LDB1: variants seen among roughly 807,000 people sequenced by gnomAD.
LDB1 encodes the protein LIM domain binding 1, also known as LIM domain-binding protein 1.
A neutral mutation model predicts 49.7 loss-of-function variants in LDB1; 6 were observed. The observed-to-expected ratio is 0.12, with a 90% CI of 0.07 to 0.24. LDB1 has a LOEUF of 0.24. Among genes scored for constraint, LDB1 ranks in the 10% least tolerant of loss-of-function variants. LDB1 has a pLI of 1.00. For missense variants in LDB1, 341 were observed against 561.7 expected, an observed-to-expected ratio of 0.61 and a Z score of 3.97; for synonymous variants, 233 against 202.0, an observed-to-expected ratio of 1.15 and a Z score of -1.30.
chr10:102,103,960 T>C (rs1210358729), downstream of LDB1, among the ~76,000 whole-genome samples: 1 of 151,536 alleles, frequency 6.6e-6, no homozygotes, highest in Non-Finnish European at 1.5e-5. Flanking sequence ...TCCCAGCTAC[T>C]TGGGACGCAT....
At chr10:102,105,374 A>G (rs140319861), downstream of LDB1, among the ~76,000 whole-genome samples, 95 of 152,270 alleles carry the variant, frequency 6.2e-4, no homozygotes, top group African/African-American at 2.2e-3. Flanking sequence ...GACAGGTCAT[A>G]CAGTCCCTTC....
At chr10:102,102,335 A>G (rs1290793905), downstream of LDB1, among the ~76,000 whole-genome samples, 1 of 152,244 alleles carries the variant, frequency 6.6e-6, no homozygotes, top group African/African-American at 2.4e-5. Flanking sequence ...AATCCGTTAA[A>G]GGAAAGGGAG....
At chr10:102,114,696 A>G (rs2133522752) in intron 1 of LDB1, 1 of 802,068 alleles carries the variant, frequency 1.2e-6, no homozygotes, top group Non-Finnish European at 1.5e-6. Flanking sequence ...GGGAGTCCGG[A>G]GCCTTCTTTG....
chr10:102,103,761 C>T (rs1172406647), downstream of LDB1, among the ~76,000 whole-genome samples: 5 of 151,868 alleles, frequency 3.3e-5, no homozygotes, highest in African/African-American at 1.2e-4. Flanking sequence ...TTGCAGTGAG[C>T]CGAGATCATG....
chr10:102,119,239 C>G (rs1388017159), intron 1 of LDB1, among the ~76,000 whole-genome samples: 1 of 152,114 alleles, frequency 6.6e-6, no homozygotes, highest in Non-Finnish European at 1.5e-5. Context: ...CCTCTGTAGA[C>G]TACCTCTCCA....
chr10:102,119,969 C>A, intron 1 of LDB1, 117 bp downstream of exon 1: 1 of 751,858 alleles, frequency 1.3e-6, no homozygotes, highest in Non-Finnish European at 2.0e-6. Flanking sequence ...CCCTTCCAGC[C>A]CCCGGCTTCC....
chr10:102,103,691 G>A (rs1368529782), downstream of LDB1, among the ~76,000 whole-genome samples: 1 of 152,014 alleles, frequency 6.6e-6, no homozygotes, highest in Non-Finnish European at 1.5e-5. Flanking sequence ...GTGCGCACCT[G>A]TAGTCTCAGC....
At chr10:102,108,416 G>A (rs1206293344) in intron 10 of LDB1, 93 bp from the exon 11 acceptor site, 5 of 933,842 alleles carry the variant, frequency 5.4e-6, no homozygotes, top group Non-Finnish European at 8.2e-6. Context: ...ACCCACCCTG[G>A]AAGCTCAAGA....
intron 3 of LDB1, 36 bp downstream of exon 3, chr10:102,111,220 T>C: frequency 6.2e-7 from 1 of 1,613,208 alleles, no homozygotes; most frequent in African/African-American, 1.3e-5. Flanking sequence ...CTTCACCCAG[T>C]GGAAAGCACC....
chr10:102,120,495 G>A (rs1361522465), upstream of LDB1: 2 of 479,520 alleles, frequency 4.2e-6, no homozygotes, highest in Middle Eastern at 1.0e-3. Flanking sequence ...CCCAGCCCAA[G>A]CCGGGCAGGG....
intron 6 of LDB1, 86 bp from the exon 7 acceptor site, chr10:102,110,129 A>G: frequency 7.0e-7 from 1 of 1,431,000 alleles, no homozygotes; most frequent in Non-Finnish European, 9.5e-7. Flanking sequence ...TTTGCTTACA[A>G]CTCTCCCATT....
Position 102,108,204 on chromosome 10 carries a change from C to G in LDB1, c.1125G>C (p.Glu375Asp), listed in dbSNP as rs768403370. ...GTGCAGGGGAGTTGTTAAAGCTGTC[C>G]TCGTCGTCAATGCCGTTGGCTGCGT... ...QFDAANGIDD[E>D]DSFNNSPALG... The change falls in exon 11 of 11, where the codon GAG (glutamate) becomes GAC (aspartate). Residue 375 changes from glutamate to aspartate, a missense_variant. By Grantham distance (45) the Glu-to-Asp change is conservative. Around this residue, in one of 5 missense-constraint regions of LDB1, gnomAD observed 46 missense variants for 62.9 expected, o/e 0.73. Transcript: ENST00000673968. 1.9e-5 allele frequency: 30 copies of G among 1,614,072 alleles called. No homozygotes were observed. The highest frequency in any genetic ancestry group is 2.3e-5 in the Non-Finnish European group (27 of 1,179,982).
At chr10:102,105,606 C>T (rs1192388610), downstream of LDB1, among the ~76,000 whole-genome samples, 1 of 151,778 alleles carries the variant, frequency 6.6e-6, no homozygotes, top group Admixed American at 6.6e-5. Flanking sequence ...TGGAGAGTAG[C>T]AATCCTGCTA....
chr10:102,114,877 C>A, intron 1 of LDB1: 1 of 979,644 alleles, frequency 1.0e-6, no homozygotes, highest in Non-Finnish European at 1.2e-6. Context: ...CAGGACCCGG[C>A]ACTCACACTC....
chr10:102,115,645 T>C (rs1360985659), intron 1 of LDB1, among the ~76,000 whole-genome samples: 1 of 151,616 alleles, frequency 6.6e-6, no homozygotes, highest in Non-Finnish European at 1.5e-5. Flanking sequence ...AAAGAGGCAT[T>C]GTCAGAGCTA....
At chr10:102,105,048 T>C (rs901112091), downstream of LDB1, among the ~76,000 whole-genome samples, 3 of 152,146 alleles carry the variant, frequency 2.0e-5, no homozygotes, top group African/African-American at 7.2e-5. Context: ...AACACATGTA[T>C]ATACTCCCTT....
intron 1 of LDB1, among the ~76,000 whole-genome samples, chr10:102,118,591 C>A (rs1367888957): frequency 1.3e-5 from 2 of 152,202 alleles, no homozygotes; most frequent in African/African-American, 2.4e-5. Flanking sequence ...ACATACATAC[C>A]CGCTTACCCA....
upstream of LDB1, among the ~76,000 whole-genome samples, chr10:102,121,171 A>G (rs2068415287): frequency 6.6e-6 from 1 of 151,930 alleles, no homozygotes; most frequent in Admixed American, 6.6e-5. Context: ...TGACCACCAG[A>G]TTGGATTACG....
At chr10:102,113,966 T>C (rs375172202) in intron 1 of LDB1, among the ~76,000 whole-genome samples, 1 of 151,610 alleles carries the variant, frequency 6.6e-6, no homozygotes, top group East Asian at 1.9e-4. Context: ...TGGGAGTGAG[T>C]AGAGAAGGGG....
Sources: allele counts gnomAD v4.1 joint callset (sites outside exome capture counted in the v4.1 genomes callset), GRCh38; gene constraint gnomAD v4.1.1; regional missense constraint gnomAD v4.1.1; transcripts MANE v1.5; gene names NCBI Gene and HGNC (gene_info 2026-07-23, HGNC 2026-07-21).